UBASH3A: variants seen among roughly 807,000 people sequenced by gnomAD.
The protein encoded by UBASH3A is ubiquitin-associated and SH3 domain-containing protein A.
In UBASH3A, 63 loss-of-function variants were observed where a neutral mutation model predicts 73.5. The ratio of observed to expected loss-of-function variants is 0.86; its 90% CI spans 0.70 to 1.06. The LOEUF is 1.06. UBASH3A is among the 50% of genes least tolerant of loss of function. The probability of loss-of-function intolerance (pLI) is 0.00; values close to 1 mark genes in which losing one functional copy is unlikely to be tolerated. For missense variants in UBASH3A, 860 were observed against 859.0 expected (o/e 1.00, Z -0.02); for synonymous variants, 363 against 351.1 (o/e 1.03, Z -0.38).
chr21:42,405,627 G>A lies in UBASH3A; in HGVS notation c.114-681G>A, dbSNP rs144075141. On this transcript the variant is annotated intron_variant, in intron 1 of 14. Transcript: ENST00000319294. ...ATCATGTGGTGGGTTCCTCATGGACGCCCGCTGTTTCCAGTCTGCATTCCT... is the reference window on the plus strand; with the variant it reads ...ATCATGTGGTGGGTTCCTCATGGACACCCGCTGTTTCCAGTCTGCATTCCT... Among the ~76,000 whole-genome samples, 19 of 152,280 alleles carry A rather than the reference G, an allele frequency of 1.2e-4. No individual in the cohort carries two copies. In the East Asian group the frequency reaches 2.7e-3, roughly 22 times the overall value.
chr21:42,427,594 A>C (rs767820015), intron 8 of UBASH3A, among the ~76,000 whole-genome samples: 10 of 152,112 alleles, frequency 6.6e-5, no homozygotes, highest in Non-Finnish European at 1.3e-4. Flanking sequence ...AGATCTGAAA[A>C]CTGGGGCTCA....
intron 10 of UBASH3A, 37 bp from the exon 11 acceptor site, chr21:42,437,451 T>A (rs1347007792): frequency 6.3e-7 from 1 of 1,585,048 alleles, no homozygotes; most frequent in Middle Eastern, 1.7e-4. Flanking sequence ...GCTAGAATTA[T>A]GAAGGGGCAT....
intron 13 of UBASH3A, among the ~76,000 whole-genome samples, chr21:42,443,838 C>A (rs1457133596): frequency 6.6e-6 from 1 of 152,112 alleles, no homozygotes; most frequent in African/African-American, 2.4e-5. Flanking sequence ...CCTGGAACCC[C>A]CCATCCTGGG....
Position 42,421,886 on chromosome 21 carries a change from T to C in UBASH3A, c.1046+3277T>C, listed in dbSNP as rs2053344711. 2.0e-5 allele frequency among the ~76,000 whole-genome samples: 3 copies of C among 152,362 alleles called. 1 individual carries two copies. In the South Asian group the frequency reaches 6.2e-4, roughly 32 times the overall value. On this transcript the variant is annotated intron_variant, in intron 7 of 14. Transcript: ENST00000319294. ...AAAGAAAAGATGGTTTAATAGTACCTGATAGAAGCTCTTGGTGAAATGATT... is the reference window on the plus strand; with the variant it reads ...AAAGAAAAGATGGTTTAATAGTACCCGATAGAAGCTCTTGGTGAAATGATT...
intron 3 of UBASH3A, among the ~76,000 whole-genome samples, chr21:42,411,129 G>A (rs996956061): frequency 1.2e-4 from 14 of 118,004 alleles, no homozygotes; most frequent in East Asian, 5.0e-4. Flanking sequence ...ACACAGAGAC[G>A]TACACAGCAC....
intron 9 of UBASH3A, among the ~76,000 whole-genome samples, chr21:42,432,875 C>G (rs1396449048): frequency 6.6e-6 from 1 of 152,184 alleles, no homozygotes; most frequent in Non-Finnish European, 1.5e-5. Context: ...ATATGGTCAC[C>G]TCTATAAAAC....
In UBASH3A at chr21:42,422,570, C is replaced by T. The variant is rs186491259; in HGVS notation, c.1046+3961C>T. Among the ~76,000 whole-genome samples, 529 of 152,284 alleles carry T rather than the reference C, an allele frequency of 3.5e-3. 1 individual carries two copies. Among genetic ancestry groups the T allele is most frequent in the South Asian group, 6.8e-3 (33 of 4,824 alleles). On this transcript the variant is annotated intron_variant, in intron 7 of 14. Transcript: ENST00000319294. Reference sequence around the variant, plus strand: ...CCTAATCCCACGCTTGGGCTTTCAACTATGACCTCAACTGCCTATAGAAGA... The same window carrying T: ...CCTAATCCCACGCTTGGGCTTTCAATTATGACCTCAACTGCCTATAGAAGA...
chr21:42,434,676 G>A (rs2053595561), intron 9 of UBASH3A, among the ~76,000 whole-genome samples, 156 bp from the exon 10 acceptor site: 1 of 152,198 alleles, frequency 6.6e-6, no homozygotes, highest in African/African-American at 2.4e-5. Context: ...TTCTCAAATT[G>A]AAGCCACGTT....
intron 3 of UBASH3A, chr21:42,410,581 C>T (rs1357921818): frequency 7.6e-6 from 2 of 264,156 alleles, no homozygotes; most frequent in African/African-American, 4.4e-5. Flanking sequence ...CAAGACTAAA[C>T]CTGGAAAAGC....
At chr21:42,406,184 A>G (rs1320774094) in intron 1 of UBASH3A, 124 bp from the exon 2 acceptor site, 3 of 800,740 alleles carry the variant, frequency 3.7e-6, no homozygotes, top group Non-Finnish European at 4.4e-6. Flanking sequence ...CTGGAAGTTC[A>G]GCATCAGGCC....
chr21:42,425,988 C>T (rs1190883383), intron 7 of UBASH3A, among the ~76,000 whole-genome samples: 2 of 151,566 alleles, frequency 1.3e-5, no homozygotes, highest in Middle Eastern at 3.4e-3. Flanking sequence ...AGAGAGTGAC[C>T]GAGAGAGAAA....
At chr21:42,428,258 C>T (rs868727140) in intron 8 of UBASH3A, among the ~76,000 whole-genome samples, 9 of 152,306 alleles carry the variant, frequency 5.9e-5, no homozygotes, top group Middle Eastern at 6.8e-3. Context: ...GCGTCCCTGT[C>T]GCCATTTGCA....
In UBASH3A at chr21:42,442,406, G is replaced by C. The variant is rs112279676; in HGVS notation, c.1487-46G>C. On this transcript the variant is annotated intron_variant, in intron 11 of 14. Coordinates refer to ENST00000319294, the MANE Select transcript of UBASH3A (RefSeq NM_018961.4). ...AAGGAGACTTATTTATGCAAAGTCA[G>C]GGTGGATGTTGAGGATGATAAACAC... The C allele has an allele frequency of 2.5e-6, 4 of 1,600,224 alleles. No homozygotes were observed. The African/African-American group carries it at 5.4e-5, about 22-fold the overall frequency.
rs147873921 is a variant in UBASH3A, at chr21:42,418,505, C to T, written c.942C>T (p.Ser314=). The T allele has an allele frequency of 2.1e-5, 34 of 1,614,098 alleles. No homozygotes were observed. The highest frequency in any genetic ancestry group is 8.9e-5 in the East Asian group (4 of 44,896). Reference sequence around the variant, plus strand: ...ACCCCACGCAGCAGGACGAAGCCAGCGAGGGCTGGGTGATTGGGATCTCAC... The same window carrying T: ...ACCCCACGCAGCAGGACGAAGCCAGTGAGGGCTGGGTGATTGGGATCTCAC... ...FVDPTQQDEA[S]EGWVIGISQR... is the part of the protein sequence containing the mutation. The change falls in exon 7 of 15, where the codon AGC becomes AGT. Residue 314 remains serine (S), a synonymous_variant. Transcript: ENST00000319294.
chr21:42,416,656 T>C lies in UBASH3A; in HGVS notation c.837+45T>C, dbSNP rs112905182. The C allele has an allele frequency of 3.3e-3, 4,693 of 1,437,544 alleles. 141 individuals are homozygous for C. The African/African-American group carries it at 0.06, about 18-fold the overall frequency. The allele number at this position is 1,437,544 out of a possible 1,614,324, so 89.0% of individuals were successfully genotyped here. ...GCTCATAAGAAGCAGATGAATGGGC[T>C]GGGCTCGGTGGCTCACGCCTGTAAT... is the stretch of plus-strand genomic sequence containing the variant. On this transcript the variant is annotated intron_variant, in intron 6 of 14. Transcript: ENST00000319294.
At position 42,412,910 on chromosome 21, in the gene UBASH3A, G is replaced by A. The variant is rs1377960882; in HGVS notation, c.355-114G>A. On this transcript the variant is annotated intron_variant, in intron 3 of 14. Transcript: ENST00000319294. ...GGGACGCAATAAATTATGTTACAGC[G>A]CTTTGAACAGAAAAGAATCTCACTT... 9.9e-6 allele frequency: 9 copies of A among 911,256 alleles called. 1 individual carries two copies. The highest frequency in any genetic ancestry group is 5.2e-4 in the Middle Eastern group (2 of 3,832). The allele number at this position is 911,256 out of a possible 1,614,324, so 56.4% of individuals were successfully genotyped here. A position where few individuals can be genotyped will look rare whatever the true frequency, so the allele number is the denominator to read the frequency against.
At chr21:42,422,105 C>T (rs1317853694) in intron 7 of UBASH3A, among the ~76,000 whole-genome samples, 2 of 152,200 alleles carry the variant, frequency 1.3e-5, no homozygotes, top group African/African-American at 4.8e-5. Flanking sequence ...ATAATAGCCA[C>T]TTGACATTCA....
rs1483823842 is a variant in UBASH3A at position 42,426,753 on chromosome 21, G to C, written c.1103G>C (p.Ser368Thr). The change falls in exon 8 of 15, where the codon AGC (serine) becomes ACC (threonine). Residue 368 changes from serine to threonine, a missense_variant. Ser to Thr is a moderately conservative substitution (Grantham distance 58, BLOSUM62 1). Transcript: ENST00000319294. ...AACTCCAGAAAGGATGGTGAAGCCA[G>C]CAGCAGATGCAGCGGGGAATTTCTT... is the stretch of plus-strand genomic sequence containing the variant. Reference protein sequence around the residue: ...DLNSRKDGEASSRCSGEFLPQ... With the variant: ...DLNSRKDGEATSRCSGEFLPQ... The C allele has an allele frequency of 1.2e-6, 2 of 1,614,076 alleles. No individual in the cohort carries two copies. The highest frequency in any genetic ancestry group is 1.7e-5 in the Admixed American group (1 of 60,012).
chr21:42,407,052 G>T (rs2052991491), intron 2 of UBASH3A, among the ~76,000 whole-genome samples: 1 of 152,158 alleles, frequency 6.6e-6, no homozygotes, highest in Admixed American at 6.5e-5. Flanking sequence ...TGTGGGTCGG[G>T]TGAGGGCTCT....
Sources: gnomAD v4.1 joint callset for allele counts (sites outside exome capture counted in the v4.1 genomes callset) on GRCh38, gnomAD v4.1.1 for gene constraint, MANE v1.5 for transcripts, NCBI Gene and HGNC (gene_info 2026-07-23, HGNC 2026-07-21) for gene names.